PLCL1: variants seen among roughly 807,000 people sequenced by gnomAD.
The protein encoded by PLCL1 is phospholipase C like 1 (inactive), also known as inactive phospholipase C-like protein 1.
In PLCL1, 41 loss-of-function variants were observed where a neutral mutation model predicts 84.4. That is an observed-to-expected ratio of 0.49 (90% CI 0.38 to 0.63). The LOEUF (loss-of-function observed/expected upper bound fraction) is 0.63, where lower values mean the gene tolerates loss of function less well. PLCL1 is among the 30% of genes least tolerant of loss of function. The pLI is 0.00. For missense variants in PLCL1, 1,206 were observed against 1,367.8 expected, an observed-to-expected ratio of 0.88 and a Z score of 1.87; for synonymous variants, 490 against 488.3, an observed-to-expected ratio of 1.00 and a Z score of -0.05.
intron 1 of PLCL1, among the ~76,000 whole-genome samples, chr2:197,865,452 C>G (rs1459260313): frequency 6.6e-6 from 1 of 152,118 alleles, no homozygotes; most frequent in Non-Finnish European, 1.5e-5. Context: ...TAGACCCAGT[C>G]CCTTTAACCT....
At chr2:198,119,478 T>G (rs1574326008) in intron 5 of PLCL1, among the ~76,000 whole-genome samples, 3 of 152,036 alleles carry the variant, frequency 2.0e-5, no homozygotes, top group Non-Finnish European at 4.4e-5. Context: ...CTTGGAAATA[T>G]CAGGCAGTTT....
At chr2:198,088,264 T>C (rs1692935176) in intron 2 of PLCL1, among the ~76,000 whole-genome samples, 1 of 152,184 alleles carries the variant, frequency 6.6e-6, no homozygotes, top group South Asian at 2.1e-4. Flanking sequence ...ATGAAGGTGA[T>C]CATTGTCATG....
At chr2:197,810,410 G>A in intron 1 of PLCL1, 1 of 510,580 alleles carries the variant, frequency 2.0e-6, no homozygotes, top group Non-Finnish European at 3.3e-6. Flanking sequence ...TACAAAGTTT[G>A]TTTTCCCTTT....
intron 2 of PLCL1, among the ~76,000 whole-genome samples, chr2:198,088,606 TCAGC>T (rs1692943476): frequency 6.6e-6 from 1 of 152,202 alleles, no homozygotes; most frequent in Admixed American, 6.5e-5. Context: ...ACATTCATGA[TCAGC>T]CAGTACTTAG....
chr2:198,133,496 T>A (rs1694178688), intron 5 of PLCL1, among the ~76,000 whole-genome samples: 1 of 146,916 alleles, frequency 6.8e-6, no homozygotes, highest in Non-Finnish European at 1.5e-5. Flanking sequence ...CTGCACAATG[T>A]GCACATGTAC....
chr2:198,023,284 A>T (rs1691182403), intron 1 of PLCL1, among the ~76,000 whole-genome samples: 1 of 152,236 alleles, frequency 6.6e-6, no homozygotes, highest in African/African-American at 2.4e-5. Flanking sequence ...AAAACCTAGA[A>T]CCATAAAAAC....
intron 1 of PLCL1, among the ~76,000 whole-genome samples, chr2:197,814,165 T>C (rs1468874919): frequency 6.6e-6 from 1 of 152,168 alleles, no homozygotes; most frequent in African/African-American, 2.4e-5. Context: ...TTTGCAGATA[T>C]TGCATTTTTT....
At chr2:197,819,857 T>C (rs191851727) in intron 1 of PLCL1, among the ~76,000 whole-genome samples, 1 of 151,206 alleles carries the variant, frequency 6.6e-6, no homozygotes, top group South Asian at 2.1e-4. Flanking sequence ...ACCTTAGAGA[T>C]GAGGAAGCCA....
In PLCL1 at chr2:198,101,432, A is replaced by AT. The variant is rs899320793; in HGVS notation, c.2995+81dup. 720 of 829,304 alleles carry AT rather than the reference A, an allele frequency of 8.7e-4. 1 individual carries two copies. Among genetic ancestry groups the AT allele is most frequent in the Middle Eastern group, 1.1e-3 (4 of 3,652 alleles). 51.4% of individuals were successfully genotyped at this position (829,304 alleles called of 1,614,324 possible). ...TGGAAACTATAATAATTCTTGGTAG[A>AT]TTTTTTTTTCAGAAACTTTCTGCTT... On this transcript the variant is annotated intron_variant, in intron 4 of 5. Transcript: ENST00000428675.
intron 1 of PLCL1, among the ~76,000 whole-genome samples, chr2:198,024,820 G>A (rs1219986619): frequency 6.7e-6 from 1 of 149,774 alleles, no homozygotes; most frequent in Non-Finnish European, 1.5e-5. Flanking sequence ...TGTCTTTTAT[G>A]TGGCATCATG....
chr2:197,961,238 G>GGAGAGAGAGA (rs60411488), intron 1 of PLCL1, among the ~76,000 whole-genome samples: 4,748 of 145,990 alleles, frequency 0.033, 94 homozygotes, highest in Middle Eastern at 0.073. Flanking sequence ...TTGGGAAGGT[G>GGAGAGAGAGA]GAGAGAGAGA....
chr2:197,944,980 T>C (rs1689242864), intron 1 of PLCL1, among the ~76,000 whole-genome samples: 1 of 152,242 alleles, frequency 6.6e-6, no homozygotes, highest in Admixed American at 6.5e-5. Flanking sequence ...AAAAGTATCT[T>C]TCTTTTGCCA....
intron 1 of PLCL1, among the ~76,000 whole-genome samples, chr2:197,981,634 T>C (rs1690108865): frequency 6.6e-6 from 1 of 152,218 alleles, no homozygotes; most frequent in African/African-American, 2.4e-5. Flanking sequence ...GATGAGACTG[T>C]GATGGCTAAA....
chr2:197,827,974 A>T (rs1234776236), intron 1 of PLCL1, among the ~76,000 whole-genome samples: 2 of 152,078 alleles, frequency 1.3e-5, no homozygotes, highest in Non-Finnish European at 2.9e-5. Flanking sequence ...TTTTTATAAG[A>T]CATGAAATAA....
intron 1 of PLCL1, among the ~76,000 whole-genome samples, chr2:197,833,127 G>A (rs932468719): frequency 1.3e-5 from 2 of 152,036 alleles, no homozygotes; most frequent in East Asian, 1.9e-4. Context: ...ACTTGAGCCC[G>A]GGAGGCAGCT....
At chr2:197,879,069 CAG>C in intron 1 of PLCL1, among the ~76,000 whole-genome samples, 1 of 152,312 alleles carries the variant, frequency 6.6e-6, no homozygotes, top group Non-Finnish European at 1.5e-5. Flanking sequence ...CTTCCTTCTG[CAG>C]TTCCTTCCAT....
At chr2:197,940,850 GA>G (rs1689145018) in intron 1 of PLCL1, among the ~76,000 whole-genome samples, 1 of 152,094 alleles carries the variant, frequency 6.6e-6, no homozygotes, top group African/African-American at 2.4e-5. Context: ...TATTTCGGCT[GA>G]ATTTTGTAGC....
chr2:198,052,287 G>A (rs1691953792), intron 1 of PLCL1, among the ~76,000 whole-genome samples: 2 of 152,230 alleles, frequency 1.3e-5, no homozygotes, highest in Admixed American at 6.5e-5. Flanking sequence ...TGACCTCATC[G>A]TGATCCTCCT....
intron 1 of PLCL1, among the ~76,000 whole-genome samples, chr2:198,042,586 C>A (rs939863819): frequency 6.6e-6 from 1 of 152,070 alleles, no homozygotes; most frequent in African/African-American, 2.4e-5. Context: ...GCCAGATAAC[C>A]TCAAAGTTTC....
Sources: allele counts gnomAD v4.1 joint callset (sites outside exome capture counted in the v4.1 genomes callset), GRCh38; gene constraint gnomAD v4.1.1; transcripts MANE v1.5; gene names NCBI Gene and HGNC (gene_info 2026-07-23, HGNC 2026-07-21).